Variants in ZNF362 observed in about 807,000 individuals in gnomAD.
ZNF362 encodes zinc finger protein 362.
A neutral mutation model predicts 42.9 loss-of-function variants in ZNF362; 11 were observed. That is an observed-to-expected ratio of 0.26 (90% confidence interval 0.16 to 0.42). The LOEUF is 0.42. Ranked by LOEUF, ZNF362 falls within the 20% of genes least tolerant of loss-of-function variation. ZNF362 has a pLI of 1.00. For synonymous variants in ZNF362, 255 were observed against 257.3 expected, an observed-to-expected ratio of 0.99 and a Z score of 0.09; for missense variants, 362 against 576.2, an observed-to-expected ratio of 0.63 and a Z score of 3.81.
chr1:33,272,871 C>A (rs1234290945), intron 2 of ZNF362, among the ~76,000 whole-genome samples: 1 of 152,258 alleles, frequency 6.6e-6, no homozygotes, highest in African/African-American at 2.4e-5. Context: ...CCCAAGCCTG[C>A]CTTGTGCTTT....
At chr1:33,141,266 C>T in the ZNF362 span, among the ~76,000 whole-genome samples, 1 of 152,022 alleles carries the variant, frequency 6.6e-6, no homozygotes, top group Non-Finnish European at 1.5e-5. Flanking sequence ...CCTCTGAGCA[C>T]CTCCCTCCTA....
chr1:33,147,701 C>G, the ZNF362 span: 1 of 1,612,914 alleles, frequency 6.2e-7, no homozygotes, highest in East Asian at 2.2e-5. This position sits in a 1 kb window ranked among gnomAD's most constrained non-coding sequence, Gnocchi z 8.1. Flanking sequence ...TGGGCTGTGC[C>G]CGGGTCCAGG....
At chr1:33,260,693 T>A (rs1273881405) in intron 1 of ZNF362, among the ~76,000 whole-genome samples, 1 of 152,126 alleles carries the variant, frequency 6.6e-6, no homozygotes, top group African/African-American at 2.4e-5. Context: ...GGGGCTTTTG[T>A]AGAGGTGAGG....
At chr1:33,245,370 G>A in the ZNF362 span, among the ~76,000 whole-genome samples, 1 of 152,072 alleles carries the variant, frequency 6.6e-6, no homozygotes, top group Non-Finnish European at 1.5e-5. Flanking sequence ...ACTGATCCAT[G>A]CCTAATCCTG....
chr1:33,224,204 A>C, the ZNF362 span, among the ~76,000 whole-genome samples: 1 of 152,228 alleles, frequency 6.6e-6, no homozygotes, highest in African/African-American at 2.4e-5. Context: ...AGTGATAAAT[A>C]AATTAAATGT....
chr1:33,137,811 C>T, the ZNF362 span, among the ~76,000 whole-genome samples: 33 of 151,938 alleles, frequency 2.2e-4, no homozygotes, highest in Non-Finnish European at 4.0e-4. Flanking sequence ...AAGCTGGCCA[C>T]GGTACAAGGG....
At chr1:33,204,218 T>C in the ZNF362 span, among the ~76,000 whole-genome samples, 1 of 152,178 alleles carries the variant, frequency 6.6e-6, no homozygotes, top group Middle Eastern at 3.2e-3. Flanking sequence ...GCACCATCTA[T>C]TGAAGAGGCT....
chr1:33,159,834 G>C, the ZNF362 span: 31 of 1,613,726 alleles, frequency 1.9e-5, no homozygotes, highest in East Asian at 2.0e-4. The surrounding 1 kb of genome is among the most constrained non-coding windows in gnomAD (Gnocchi z 4.2). Flanking sequence ...TCAGCGTGCG[G>C]GCCGTGTCCG....
the ZNF362 span, among the ~76,000 whole-genome samples, chr1:33,141,360 C>T: frequency 6.6e-6 from 1 of 152,186 alleles, no homozygotes; most frequent in Non-Finnish European, 1.5e-5. Context: ...CAATCTCCCT[C>T]CCCTATGTGC....
the ZNF362 span, among the ~76,000 whole-genome samples, chr1:33,129,532 T>C: frequency 6.6e-6 from 1 of 152,238 alleles, no homozygotes; most frequent in South Asian, 2.1e-4. This position sits in a 1 kb window ranked among gnomAD's most constrained non-coding sequence, Gnocchi z 4.1. Flanking sequence ...CATATATGTT[T>C]ACGCATTGTG....
At chr1:33,265,638 A>G (rs1388592952) in intron 1 of ZNF362, among the ~76,000 whole-genome samples, 1 of 152,056 alleles carries the variant, frequency 6.6e-6, no homozygotes, top group Non-Finnish European at 1.5e-5. Context: ...CAGAGGGGCC[A>G]TGGGAGGCAA....
the ZNF362 span, among the ~76,000 whole-genome samples, chr1:33,153,241 G>A: frequency 6.6e-6 from 1 of 152,324 alleles, no homozygotes; most frequent in Non-Finnish European, 1.5e-5. Flanking sequence ...GAGCCAGACT[G>A]ACTTCACAGG....
the ZNF362 span, chr1:33,163,640 T>C: frequency 0.98 from 149,168 of 152,310 alleles, 73,078 homozygotes; most frequent in East Asian, 1. Flanking sequence ...GGCCTGGAGG[T>C]GCTGGGGCCC....
At chr1:33,269,962 C>A (rs1428622729) in intron 1 of ZNF362, among the ~76,000 whole-genome samples, 1 of 152,204 alleles carries the variant, frequency 6.6e-6, no homozygotes, top group Non-Finnish European at 1.5e-5. Flanking sequence ...CTCAGAGACA[C>A]CCTTCTGGGA....
chr1:33,213,757 A>G, the ZNF362 span, among the ~76,000 whole-genome samples: 1 of 152,156 alleles, frequency 6.6e-6, no homozygotes. Context: ...AGGCAGGAGA[A>G]TCGCTTGAAC....
chr1:33,291,232 A>C (rs1283632447), intron 6 of ZNF362, among the ~76,000 whole-genome samples: 3 of 152,056 alleles, frequency 2.0e-5, no homozygotes, highest in Non-Finnish European at 4.4e-5. Flanking sequence ...ATCTTGAATT[A>C]ATTTTTGTAT....
rs1242814811 is a variant in ZNF362, at chr1:33,299,938, C to T, written c.*892C>T. The T allele has an allele frequency of 6.6e-6, 1 of 152,588 alleles. No individual in the cohort carries two copies. The highest frequency in any genetic ancestry group is 1.9e-4 in the East Asian group (1 of 5,182). 9.5% of individuals were successfully genotyped at this position (152,588 alleles called of 1,614,324 possible). On this transcript the variant is annotated 3_prime_UTR_variant, in exon 9 of 9. Transcript: ENST00000539719. ...ATTTCCTCCAGATGGGGGCAGTGCC[C>T]AGGGAGGGGTTATTTGTCTTCCCTG...
chr1:33,172,591 C>A, the ZNF362 span, among the ~76,000 whole-genome samples: 1 of 152,068 alleles, frequency 6.6e-6, no homozygotes, highest in Non-Finnish European at 1.5e-5. Flanking sequence ...GAGGACACAC[C>A]TCAGAGGGTG....
chr1:33,262,110 T>C (rs1645831526), intron 1 of ZNF362, among the ~76,000 whole-genome samples: 1 of 151,734 alleles, frequency 6.6e-6, no homozygotes, highest in Admixed American at 6.6e-5. Context: ...TGGGTGGAAT[T>C]TGGGGGAGGT....
Sources: gnomAD v4.1 joint callset for allele counts (sites outside exome capture counted in the v4.1 genomes callset) on GRCh38, gnomAD v4.1.1 for gene constraint, Gnocchi (gnomAD v3.1) non-coding constraint, MANE v1.5 for transcripts, NCBI Gene and HGNC (gene_info 2026-07-23, HGNC 2026-07-21) for gene names.